The following PLCH1 variants were observed in gnomAD, a reference collection of about 807,000 sequenced individuals.
PLCH1 encodes the protein phospholipase C eta 1, also known as 1-phosphatidylinositol 4,5-bisphosphate phosphodiesterase eta-1.
Under a neutral mutation model 126.7 loss-of-function variants are expected in PLCH1, and 60 were observed. The observed-to-expected ratio is 0.47, with a 90% confidence interval of 0.38 to 0.59. The LOEUF is 0.59. Ranked by LOEUF, PLCH1 falls within the 20% of genes least tolerant of loss-of-function variation. PLCH1 has a pLI of 0.00. For synonymous variants in PLCH1, 719 were observed against 734.9 expected (o/e 0.98, Z 0.35); for missense variants, 1,723 against 2,040.0 (o/e 0.84, Z 2.99).
At chr3:155,731,743 A>G (rs1313725056) in intron 1 of PLCH1, among the ~76,000 whole-genome samples, 1 of 152,160 alleles carries the variant, frequency 6.6e-6, no homozygotes, top group African/African-American at 2.4e-5. Context: ...AGCACTTTAG[A>G]AAGTCAAGGC....
chr3:155,488,191 C>T, intron 20 of PLCH1, 84 bp from the exon 21 acceptor site: 2 of 757,622 alleles, frequency 2.6e-6, no homozygotes, highest in Non-Finnish European at 4.6e-6. Context: ...AAGTATCTGA[C>T]TTGACTGTAG....
chr3:155,492,763 T>C lies in PLCH1; in HGVS notation c.2273A>G (p.Lys758Arg). Residue 758 changes from lysine (K) to arginine (R), a missense_variant, in exon 18 of 23, where the codon AAA (lysine) becomes AGA (arginine). Transcript: ENST00000460012. The stretch of plus-strand genomic sequence containing the variant: ...ATCTCCAAACATGGAGTCTGGAGGT[T>C]TGGGGAGTTGCTGTCCACTGATAAC... ...LKVISGQQLP[K>R]PPDSMFGDRG... 1 of 1,605,662 alleles carries C rather than the reference T, an allele frequency of 6.2e-7. No homozygotes were observed. The highest frequency in any genetic ancestry group is 8.5e-7 in the Non-Finnish European group (1 of 1,176,438).
At chr3:155,737,016 G>T (rs368174837) in intron 1 of PLCH1, among the ~76,000 whole-genome samples, 1 of 151,940 alleles carries the variant, frequency 6.6e-6, no homozygotes, top group African/African-American at 2.4e-5. Context: ...GATTGCCTGA[G>T]CTCAGGAGTT....
Position 155,481,964 on chromosome 3 carries a change from A to G in PLCH1, c.4062T>C (p.Ile1354=). ...FNSGESSLVE[I]DGESENLSLT... is the part of the protein sequence containing the mutation. ...GAGAAAGATTTTCTGATTCTCCATC[A>G]ATTTCCACAAGGCTGCTCTCCCCAG... is the stretch of plus-strand genomic sequence containing the variant. Residue 1354 remains isoleucine (I), a synonymous_variant, in exon 23 of 23, where the codon ATT becomes ATC. Coordinates refer to ENST00000460012, the MANE Select transcript of PLCH1 (RefSeq NM_014996.4). The surrounding 1 kb of genome is among the most constrained non-coding windows in gnomAD (Gnocchi z 4.2). 6.2e-7 allele frequency: 1 copy of G among 1,614,152 alleles called. No homozygotes were observed. Among genetic ancestry groups the G allele is most frequent in the Non-Finnish European group, 8.5e-7 (1 of 1,180,016 alleles).
intron 2 of PLCH1, among the ~76,000 whole-genome samples, chr3:155,624,475 T>C (rs565434747): frequency 1.3e-5 from 2 of 152,302 alleles, no homozygotes; most frequent in East Asian, 3.9e-4. Flanking sequence ...TGTTTGCAGA[T>C]GACATGATTA....
intron 6 of PLCH1, among the ~76,000 whole-genome samples, chr3:155,569,405 G>A (rs1359670963): frequency 6.6e-6 from 1 of 152,126 alleles, no homozygotes; most frequent in East Asian, 1.9e-4. Flanking sequence ...TGGGGGTGAA[G>A]CACTGCTGTA....
chr3:155,556,307 C>T (rs1435889192), intron 8 of PLCH1, among the ~76,000 whole-genome samples: 1 of 152,046 alleles, frequency 6.6e-6, no homozygotes, highest in Non-Finnish European at 1.5e-5. Context: ...GAGTCGAGCT[C>T]GTGACATTGC....
chr3:155,611,508 T>C (rs1007965658), intron 2 of PLCH1, among the ~76,000 whole-genome samples: 4 of 152,190 alleles, frequency 2.6e-5, no homozygotes, highest in Non-Finnish European at 4.4e-5. Context: ...ACTGTAGCTC[T>C]CAAATTTATT....
intron 2 of PLCH1, among the ~76,000 whole-genome samples, chr3:155,612,420 C>T (rs140207201): frequency 1.3e-5 from 2 of 151,124 alleles, no homozygotes; most frequent in East Asian, 1.9e-4. Flanking sequence ...TCTAAGGTCA[C>T]ACCTCAAGGA....
intron 6 of PLCH1, among the ~76,000 whole-genome samples, chr3:155,580,101 C>T (rs570428628): frequency 5.5e-4 from 83 of 152,288 alleles, no homozygotes; most frequent in African/African-American, 1.9e-3. Flanking sequence ...ATTAACTTAT[C>T]ATTCTATAGC....
In PLCH1 at chr3:155,482,066, C is replaced by T. The variant is rs751347125; in HGVS notation, c.3960G>A (p.Leu1320=). Residue 1320 remains leucine (L), a synonymous_variant, in exon 23 of 23, where the codon CTG becomes CTA. Coordinates refer to ENST00000460012, the MANE Select transcript of PLCH1 (RefSeq NM_014996.4). Reference sequence around the variant, plus strand: ...GGGAAGAGGCAGGGCTGCAGCTCTTCAGTGTTTCCCAGTCTTCTCCCTTGG... The same window carrying T: ...GGGAAGAGGCAGGGCTGCAGCTCTTTAGTGTTTCCCAGTCTTCTCCCTTGG... ...SPTKGEDWET[L]KSCSPASSPD... 6 of 1,614,152 alleles carry T rather than the reference C, an allele frequency of 3.7e-6. No individual in the cohort carries two copies. The highest frequency in any genetic ancestry group is 4.5e-5 in the East Asian group (2 of 44,868).
downstream of PLCH1, among the ~76,000 whole-genome samples, chr3:155,478,626 GT>G (rs1384924871): frequency 2.6e-4 from 39 of 151,582 alleles, no homozygotes; most frequent in East Asian, 3.9e-4. Flanking sequence ...TGTGTTTTTT[GT>G]TTTTTTTAAA....
At chr3:155,734,931 G>A (rs763326173) in intron 1 of PLCH1, among the ~76,000 whole-genome samples, 1 of 151,972 alleles carries the variant, frequency 6.6e-6, no homozygotes, top group African/African-American at 2.4e-5. Context: ...GGATGGTCTC[G>A]ATCTCCTGAC....
Position 155,481,175 on chromosome 3 carries a change from T to C in PLCH1, c.4851A>G (p.Ala1617=), listed in dbSNP as rs748611886. 4 of 1,614,124 alleles carry C rather than the reference T, an allele frequency of 2.5e-6. No individual in the cohort carries two copies. In the African/African-American group the frequency reaches 5.3e-5, roughly 22 times the overall value. Residue 1617 remains alanine (A), a synonymous_variant, in exon 23 of 23, where the codon GCA becomes GCG. Transcript: ENST00000460012. This position sits in a 1 kb window ranked among gnomAD's most constrained non-coding sequence, Gnocchi z 4.2. ...AGGAGCCGGTGGAGTGGCGATTCAC[T>C]GCAGGGGTGGGTGCTGAGGGTTTGT... ...LRNKPSAPTP[A]VNRHSTGSYI... is the part of the protein sequence containing the mutation.
intron 1 of PLCH1, among the ~76,000 whole-genome samples, chr3:155,738,911 A>G (rs748797440): frequency 6.6e-6 from 1 of 151,424 alleles, no homozygotes. Flanking sequence ...AGATCGTGCC[A>G]GTGACAGAGG....
intron 21 of PLCH1, among the ~76,000 whole-genome samples, chr3:155,453,405 GAAA>G (rs1712362331): frequency 6.6e-6 from 1 of 152,062 alleles, no homozygotes; most frequent in African/African-American, 2.4e-5. Flanking sequence ...TTTTTGAGAT[GAAA>G]CATTTGGGGG....
intron 10 of PLCH1, among the ~76,000 whole-genome samples, chr3:155,547,829 G>T (rs1725572523): frequency 7.1e-6 from 1 of 139,972 alleles, no homozygotes; most frequent in African/African-American, 2.7e-5. Context: ...TCATAGGTGG[G>T]AATTGAACAA....
At chr3:155,694,554 A>G (rs1745656841) in intron 2 of PLCH1, among the ~76,000 whole-genome samples, 1 of 152,242 alleles carries the variant, frequency 6.6e-6, no homozygotes, top group Admixed American at 6.5e-5. Flanking sequence ...GAGTAAAACT[A>G]CGACACTAAA....
intron 2 of PLCH1, among the ~76,000 whole-genome samples, chr3:155,688,455 A>T (rs1745119197): frequency 6.6e-6 from 1 of 152,346 alleles, no homozygotes. Flanking sequence ...ATGGCAGAAC[A>T]GAAGCCTACA....
Sources: allele counts gnomAD v4.1 joint callset (sites outside exome capture counted in the v4.1 genomes callset), GRCh38; gene constraint gnomAD v4.1.1; non-coding constraint Gnocchi (gnomAD v3.1); transcripts MANE v1.5; gene names NCBI Gene and HGNC (gene_info 2026-07-23, HGNC 2026-07-21).